The following MAGI2 variants were observed in gnomAD, a reference collection of about 807,000 sequenced individuals.
The protein encoded by MAGI2 is membrane associated guanylate kinase, WW and PDZ domain containing 2.
In MAGI2, 35 loss-of-function variants were observed where a neutral mutation model predicts 133.3. That is an observed-to-expected ratio of 0.26 (90% CI 0.20 to 0.35). The LOEUF is 0.35. Ranked by LOEUF, MAGI2 falls within the 10% of genes least tolerant of loss-of-function variation. The pLI, the probability that MAGI2 is intolerant of heterozygous loss-of-function variation, is 1.00. For missense variants in MAGI2, 1,636 were observed against 1,863.4 expected (o/e 0.88, Z 2.25); for synonymous variants, 729 against 710.6 (o/e 1.03, Z -0.41).
At chr7:79,375,082 T>A (rs1843295172) in intron 1 of MAGI2, among the ~76,000 whole-genome samples, 2 of 152,156 alleles carry the variant, frequency 1.3e-5, no homozygotes, top group South Asian at 4.1e-4. Flanking sequence ...CTATTCATAA[T>A]GTTCTCACTT....
At chr7:79,419,678 T>C (rs1846797511) in intron 1 of MAGI2, among the ~76,000 whole-genome samples, 1 of 151,988 alleles carries the variant, frequency 6.6e-6, no homozygotes, top group Non-Finnish European at 1.5e-5. Flanking sequence ...ACAAACTATG[T>C]ATTAAAAGCC....
chr7:78,375,651 G>GA (rs1334739507), intron 6 of MAGI2, among the ~76,000 whole-genome samples: 2 of 152,002 alleles, frequency 1.3e-5, no homozygotes, highest in East Asian at 3.9e-4. Context: ...AGAAAATAAG[G>GA]AACATAAAAA....
At chr7:78,240,090 C>T (rs1790977556) in intron 10 of MAGI2, among the ~76,000 whole-genome samples, 1 of 152,070 alleles carries the variant, frequency 6.6e-6, no homozygotes, top group African/African-American at 2.4e-5. Context: ...CCCATCAACT[C>T]GTCATTTACG....
intron 12 of MAGI2, among the ~76,000 whole-genome samples, chr7:78,192,198 T>C (rs945332575): frequency 7.9e-5 from 12 of 152,194 alleles, no homozygotes; most frequent in African/African-American, 2.7e-4. Context: ...TAGGATTCTT[T>C]TCCACACCTT....
chr7:79,380,753 G>C (rs1440189739), intron 1 of MAGI2, among the ~76,000 whole-genome samples: 1 of 151,676 alleles, frequency 6.6e-6, no homozygotes, highest in East Asian at 1.9e-4. Flanking sequence ...GTGTACACAG[G>C]AAGCAGAACT....
At chr7:78,827,038 TCATATAGATACAGATA>T (rs956790934) in intron 2 of MAGI2, among the ~76,000 whole-genome samples, 45 of 152,248 alleles carry the variant, frequency 3.0e-4, no homozygotes, top group African/African-American at 5.3e-4. Context: ...CATGTTAGCT[TCATATAGATACAGATA>T]CATATAGATA....
intron 18 of MAGI2, among the ~76,000 whole-genome samples, chr7:78,130,056 A>G (rs1206986173): frequency 6.6e-6 from 1 of 152,146 alleles, no homozygotes; most frequent in Non-Finnish European, 1.5e-5. Context: ...TAAACTGCAA[A>G]TATCAATTGC....
intron 1 of MAGI2, among the ~76,000 whole-genome samples, chr7:79,391,538 G>GAT (rs1844644226): frequency 5.3e-5 from 1 of 18,832 alleles, no homozygotes; most frequent in Non-Finnish European, 8.0e-5. Flanking sequence ...TATATATATA[G>GAT]ACATATATAT....
chr7:78,212,121 TC>T (rs1787822901), intron 10 of MAGI2, among the ~76,000 whole-genome samples: 1 of 152,232 alleles, frequency 6.6e-6, no homozygotes, highest in African/African-American at 2.4e-5. Flanking sequence ...TTGCTACAGT[TC>T]GTTTTATACC....
chr7:78,323,750 A>G (rs1168903654), intron 9 of MAGI2, among the ~76,000 whole-genome samples: 1 of 152,238 alleles, frequency 6.6e-6, no homozygotes, highest in East Asian at 1.9e-4. Context: ...TCTAAATGAC[A>G]TAAAAATTAT....
chr7:78,345,832 A>G, intron 8 of MAGI2, 90 bp downstream of exon 8: 2 of 1,544,638 alleles, frequency 1.3e-6, no homozygotes, highest in Non-Finnish European at 1.7e-6. Context: ...AATTTTTCAA[A>G]ATGGTCCAAG....
At chr7:78,322,996 A>G (rs1788170010) in intron 9 of MAGI2, among the ~76,000 whole-genome samples, 1 of 151,752 alleles carries the variant, frequency 6.6e-6, no homozygotes, top group Admixed American at 6.6e-5. Flanking sequence ...AAAAATATTG[A>G]GCATTTTCTC....
At chr7:79,229,347 A>AG (rs1049466455) in intron 1 of MAGI2, among the ~76,000 whole-genome samples, 2 of 152,226 alleles carry the variant, frequency 1.3e-5, no homozygotes, top group African/African-American at 4.8e-5. Context: ...AGTGAAGAAC[A>AG]GGACAAAACA....
At chr7:78,385,897 A>G (rs1795340653) in intron 6 of MAGI2, among the ~76,000 whole-genome samples, 1 of 152,214 alleles carries the variant, frequency 6.6e-6, no homozygotes, top group Non-Finnish European at 1.5e-5. Flanking sequence ...CTGTTTTCAT[A>G]TATGAGCATC....
intron 10 of MAGI2, among the ~76,000 whole-genome samples, chr7:78,222,364 A>G (rs1030851430): frequency 1.3e-5 from 2 of 152,232 alleles, no homozygotes; most frequent in African/African-American, 4.8e-5. Context: ...AGAACAAGGA[A>G]AAATGAAAAA....
At chr7:79,003,220 G>T (rs1807075106) in intron 2 of MAGI2, among the ~76,000 whole-genome samples, 1 of 152,000 alleles carries the variant, frequency 6.6e-6, no homozygotes, top group Non-Finnish European at 1.5e-5. Flanking sequence ...GAGGTCTTTG[G>T]AGCCCTAGCT....
intron 1 of MAGI2, among the ~76,000 whole-genome samples, chr7:79,134,735 A>G (rs920424383): frequency 6.6e-6 from 1 of 152,252 alleles, no homozygotes; most frequent in Non-Finnish European, 1.5e-5. Flanking sequence ...AAAGCAAACA[A>G]GTAGAGAGTA....
intron 2 of MAGI2, among the ~76,000 whole-genome samples, chr7:78,842,511 A>T (rs952967310): frequency 6.6e-6 from 1 of 151,976 alleles, no homozygotes; most frequent in Non-Finnish European, 1.5e-5. Flanking sequence ...TAACTTTTAC[A>T]TATTAATATT....
chr7:78,487,173 G>GAA, intron 6 of MAGI2: 3 of 148,452 alleles, frequency 2.0e-5, no homozygotes, highest in Admixed American at 1.4e-4. Context: ...AGCAGGATGG[G>GAA]GAAAAAAAAA....
Sources: gnomAD v4.1 joint callset for allele counts (sites outside exome capture counted in the v4.1 genomes callset) on GRCh38, gnomAD v4.1.1 for gene constraint, MANE v1.5 for transcripts, NCBI Gene and HGNC (gene_info 2026-07-23, HGNC 2026-07-21) for gene names.